The following HHIPL1 variants were observed in gnomAD, a reference collection of about 807,000 sequenced individuals.
HHIPL1 encodes HHIP like 1.
HHIPL1 carries 43 observed loss-of-function variants against 61.8 expected under a neutral mutation model. That is an observed-to-expected ratio of 0.70 (90% CI 0.55 to 0.90). The LOEUF is 0.90. HHIPL1 is among the 40% of genes least tolerant of loss of function. The pLI is 0.00. For missense variants in HHIPL1, 1,056 were observed against 1,157.7 expected (o/e 0.91, Z 1.28); for synonymous variants, 482 against 515.8 (o/e 0.93, Z 0.89).
In HHIPL1 at chr14:99,659,515, C is replaced by G; in HGVS notation, c.1134C>G (p.Phe378Leu). ...ACGGCATCCCGCCCGACAACCCGTT[C>G]GTGGGCGACCCCGCGGCGCAGCCCG... ...LPYGIPPDNP[F>L]VGDPAAQPEV... is the part of the protein sequence containing the mutation. Residue 378 changes from phenylalanine to leucine, a missense_variant, in exon 4 of 9, where the codon TTC becomes TTG. By Grantham distance (22) the Phe-to-Leu change is conservative. Transcript: ENST00000330710. The G allele has an allele frequency of 6.5e-7, 1 of 1,542,786 alleles. No homozygotes were observed. Among genetic ancestry groups the G allele is most frequent in the Non-Finnish European group, 8.7e-7 (1 of 1,148,514 alleles).
chr14:99,608,173 G>A, the HHIPL1 span, among the ~76,000 whole-genome samples: 1 of 152,084 alleles, frequency 6.6e-6, no homozygotes, highest in African/African-American at 2.4e-5. Context: ...TATACAGAAG[G>A]GAACAGCAGG....
chr14:99,638,611 C>T, the HHIPL1 span, among the ~76,000 whole-genome samples: 1 of 152,226 alleles, frequency 6.6e-6, no homozygotes, highest in Non-Finnish European at 1.5e-5. Context: ...GGCCTGGTCT[C>T]ACCTCTTCCC....
the HHIPL1 span, among the ~76,000 whole-genome samples, chr14:99,623,909 C>T: frequency 6.6e-6 from 1 of 152,144 alleles, no homozygotes; most frequent in Admixed American, 6.5e-5. Flanking sequence ...ACAAGGGACT[C>T]TATTAAAACG....
At chr14:99,651,817 G>A (rs1489754442) in intron 1 of HHIPL1, among the ~76,000 whole-genome samples, 2 of 152,178 alleles carry the variant, frequency 1.3e-5, no homozygotes, top group South Asian at 2.1e-4. Flanking sequence ...ACTAGAGGGT[G>A]CGGACGGGGT....
intron 7 of HHIPL1, among the ~76,000 whole-genome samples, chr14:99,671,411 G>A (rs914492668): frequency 1.6e-4 from 25 of 152,196 alleles, no homozygotes; most frequent in African/African-American, 5.6e-4. Flanking sequence ...TTTGAGAAGC[G>A]TATGTGCCTG....
chr14:99,666,866 C>A (rs1016822974), intron 6 of HHIPL1, among the ~76,000 whole-genome samples: 3 of 152,200 alleles, frequency 2.0e-5, no homozygotes, highest in Non-Finnish European at 4.4e-5. Context: ...GACCACTCAG[C>A]GTACTGCTCT....
chr14:99,659,322 G>C, intron 3 of HHIPL1, 106 bp from the exon 4 acceptor site: 2 of 867,244 alleles, frequency 2.3e-6, no homozygotes, highest in South Asian at 4.3e-5. Context: ...GGCTCACCCT[G>C]CACCTGGCTC....
chr14:99,649,737 A>G (rs1310812040), intron 1 of HHIPL1, among the ~76,000 whole-genome samples: 2 of 152,242 alleles, frequency 1.3e-5, no homozygotes, highest in African/African-American at 4.8e-5. Flanking sequence ...TCAAGGCTAC[A>G]GTGAGCTAGG....
intron 6 of HHIPL1, among the ~76,000 whole-genome samples, chr14:99,666,405 G>A (rs1329700845): frequency 2.6e-5 from 4 of 152,226 alleles, no homozygotes; most frequent in African/African-American, 7.2e-5. Context: ...GCAGAGGGTT[G>A]GGGGCTACAG....
the HHIPL1 span, among the ~76,000 whole-genome samples, chr14:99,605,519 A>T: frequency 5.9e-5 from 9 of 152,268 alleles, no homozygotes; most frequent in East Asian, 1.2e-3. Context: ...CCGTTCATTC[A>T]GCTGTGTACT....
rs2056411087 is a variant in HHIPL1, at chr14:99,678,452, T to TAAA, written c.*2826_*2827insAAA. 1 of 152,238 alleles carries TAAA rather than the reference T, an allele frequency of 6.6e-6. No homozygotes were observed. The highest frequency in any genetic ancestry group is 1.5e-5 in the Non-Finnish European group (1 of 68,030). 9.4% of individuals were successfully genotyped at this position (152,238 alleles called of 1,614,324 possible). On this transcript the variant is annotated 3_prime_UTR_variant, in exon 9 of 9. Transcript: ENST00000330710. ...GTGCTCATCGCAGATGGAACAATAG[T>TAAA]GAGAGGACACCTGAACAAAGGAGGG... is the stretch of plus-strand genomic sequence containing the variant.
In HHIPL1 at chr14:99,659,575, C is replaced by T. The variant is rs755811278; in HGVS notation, c.1194C>T (p.Arg398=). 15 of 1,552,912 alleles carry T rather than the reference C, an allele frequency of 9.7e-6. No individual in the cohort carries two copies. The highest frequency in any genetic ancestry group is 9.5e-5 in the South Asian group (8 of 84,306). The change falls in exon 4 of 9, where the codon CGC becomes CGT. Residue 398 remains arginine (R), a synonymous_variant. Transcript: ENST00000330710. ...VYALGVRNMW[R]CSFDRGDPSS... Reference sequence around the variant, plus strand: ...CCCTGGGCGTGCGCAACATGTGGCGCTGCTCCTTCGACCGTGGCGACCCCT... The same window carrying T: ...CCCTGGGCGTGCGCAACATGTGGCGTTGCTCCTTCGACCGTGGCGACCCCT...
intron 1 of HHIPL1, among the ~76,000 whole-genome samples, chr14:99,648,753 T>C (rs913302632): frequency 3.9e-5 from 6 of 152,272 alleles, no homozygotes; most frequent in African/African-American, 1.4e-4. Flanking sequence ...TGAGTAGGCC[T>C]TGAGTCATGA....
chr14:99,664,932 A>G (rs139304542), intron 6 of HHIPL1, among the ~76,000 whole-genome samples: 432 of 136,422 alleles, frequency 3.2e-3, no homozygotes, highest in African/African-American at 0.011. Context: ...TTTTTTTTCC[A>G]AGACTGAGCT....
At chr14:99,631,724 C>T in the HHIPL1 span, among the ~76,000 whole-genome samples, 1 of 152,138 alleles carries the variant, frequency 6.6e-6, no homozygotes, top group African/African-American at 2.4e-5. Context: ...TCAAGCAATT[C>T]TCCTGCCTCA....
intron 6 of HHIPL1, among the ~76,000 whole-genome samples, chr14:99,667,516 A>G (rs902960094): frequency 5.3e-5 from 8 of 151,982 alleles, no homozygotes; most frequent in Non-Finnish European, 1.0e-4. Context: ...TGAGATGGGG[A>G]GAAGTTGAGG....
chr14:99,670,832 C>A (rs2056319494), intron 7 of HHIPL1, among the ~76,000 whole-genome samples: 2 of 152,170 alleles, frequency 1.3e-5, no homozygotes, highest in South Asian at 2.1e-4. Flanking sequence ...GTCACTATAA[C>A]CCATTCCTTG....
chr14:99,672,444 C>A, intron 8 of HHIPL1, 45 bp downstream of exon 8: 1 of 1,491,848 alleles, frequency 6.7e-7, no homozygotes, highest in South Asian at 1.2e-5. Context: ...GGAGAGATCC[C>A]GCAGCCCACA....
rs1018752715 is a variant in HHIPL1 at position 99,675,176 on chromosome 14, TC to T, written c.1905del (p.Ala636ArgfsTer26). On this transcript the variant is annotated frameshift_variant, in exon 9 of 9. Coordinates refer to ENST00000330710, the MANE Select transcript of HHIPL1 (RefSeq NM_001127258.3). LOFTEE classifies it low-confidence loss of function (END_TRUNC). The surrounding 1 kb of genome is among the most constrained non-coding windows in gnomAD (Gnocchi z 5.4). Reference sequence around the variant, plus strand: ...CCCGCCGAGGGCGCCCCACGGCCGCTCCCCCCGCGCCAACCCCGCGGCCAGC... The same window carrying T: ...CCCGCCGAGGGCGCCCCACGGCCGCTCCCCCGCGCCAACCCCGCGGCCAGC... ...APRRGRPTAA[P>X]PAPTPRPARP... The T allele has an allele frequency of 5.3e-6, 6 of 1,121,588 alleles. No homozygotes were observed. The highest frequency in any genetic ancestry group is 5.1e-5 in the African/African-American group (3 of 59,014). The allele number at this position is 1,121,588 out of a possible 1,614,324, so 69.5% of individuals were successfully genotyped here. A position where few individuals can be genotyped will look rare whatever the true frequency, so the allele number is the denominator to read the frequency against.
Sources: gnomAD v4.1 joint callset for allele counts (sites outside exome capture counted in the v4.1 genomes callset) on GRCh38, gnomAD v4.1.1 for gene constraint, Gnocchi (gnomAD v3.1) non-coding constraint, MANE v1.5 for transcripts, NCBI Gene and HGNC (gene_info 2026-07-23, HGNC 2026-07-21) for gene names.